The following PTPRD variants were observed in gnomAD, a reference collection of about 807,000 sequenced individuals.
The protein encoded by PTPRD is receptor-type tyrosine-protein phosphatase delta.
Under a neutral mutation model 214.5 loss-of-function variants are expected in PTPRD, and 34 were observed. That is an observed-to-expected ratio of 0.16 (90% CI 0.12 to 0.21). The LOEUF (loss-of-function observed/expected upper bound fraction) is 0.21. Ranked by LOEUF, PTPRD falls within the 10% of genes least tolerant of loss-of-function variation. PTPRD has a pLI of 1.00. For missense variants in PTPRD, 2,545 were observed against 2,398.7 expected (o/e 1.06, Z -1.27); for synonymous variants, 1,128 against 845.7 (o/e 1.33, Z -5.79).
chr9:10,414,334 A>G (rs1463728148), intron 2 of PTPRD, among the ~76,000 whole-genome samples: 1 of 152,090 alleles, frequency 6.6e-6, no homozygotes, highest in African/African-American at 2.4e-5. Flanking sequence ...AAGCACATGA[A>G]AAAAGCTCAA....
intron 3 of PTPRD, among the ~76,000 whole-genome samples, chr9:10,317,802 C>T (rs745632531): frequency 3.3e-5 from 5 of 151,930 alleles, no homozygotes; most frequent in African/African-American, 4.8e-5. Context: ...CCATGTATAA[C>T]GTCTGACTAT....
At chr9:8,728,521 A>G (rs965941671) in intron 12 of PTPRD, among the ~76,000 whole-genome samples, 10 of 152,178 alleles carry the variant, frequency 6.6e-5, no homozygotes, top group African/African-American at 1.9e-4. Flanking sequence ...TTTTAATAAG[A>G]TATGTTTCTG....
intron 2 of PTPRD, among the ~76,000 whole-genome samples, chr9:10,517,437 ATTTG>A (rs1053036209): frequency 6.6e-6 from 1 of 151,922 alleles, no homozygotes; most frequent in Non-Finnish European, 1.5e-5. Flanking sequence ...ATTTTACTCA[ATTTG>A]TTTATTATTT....
In PTPRD at chr9:9,585,317, T is replaced by A. The variant is rs2091744328; in HGVS notation, c.-286-10536A>T. Among the ~76,000 whole-genome samples, 3 of 152,184 alleles carry A rather than the reference T, an allele frequency of 2.0e-5. No homozygotes were observed. The South Asian group carries it at 6.2e-4, about 32-fold the overall frequency. ...TGAATATATTTTCGGATCCTGTCCT[T>A]TTTCTACTTATTCCTATGTGAACTT... is the stretch of plus-strand genomic sequence containing the variant. On this transcript the variant is annotated intron_variant, in intron 7 of 45. Transcript: ENST00000381196.
intron 9 of PTPRD, among the ~76,000 whole-genome samples, chr9:9,235,219 G>A (rs1445000253): frequency 2.0e-5 from 3 of 152,094 alleles, no homozygotes; most frequent in Non-Finnish European, 2.9e-5. Flanking sequence ...AGTCACTACT[G>A]TCATGAGAAC....
chr9:9,575,755 GAAAAAGAA>G (rs1404197690), intron 7 of PTPRD, among the ~76,000 whole-genome samples: 11 of 78,320 alleles, frequency 1.4e-4, no homozygotes, highest in African/African-American at 5.3e-4. Context: ...AAGAAAGAAA[GAAAAAGAA>G]AAAAAGAAAA....
At chr9:8,644,338 T>C (rs1260079323) in intron 12 of PTPRD, among the ~76,000 whole-genome samples, 1 of 152,154 alleles carries the variant, frequency 6.6e-6, no homozygotes, top group East Asian at 1.9e-4. Flanking sequence ...ACTATGGGTC[T>C]CCTCTGAGCT....
chr9:8,532,693 C>A (rs141353850), intron 14 of PTPRD, among the ~76,000 whole-genome samples: 1 of 152,026 alleles, frequency 6.6e-6, no homozygotes, highest in East Asian at 1.9e-4. Flanking sequence ...CCATTTAAAT[C>A]AGACTTGACC....
chr9:9,676,552 G>A (rs569411253), intron 7 of PTPRD, among the ~76,000 whole-genome samples: 1 of 152,180 alleles, frequency 6.6e-6, no homozygotes, highest in East Asian at 1.9e-4. Context: ...TTGGTTCCAA[G>A]TCTTTGTTAT....
chr9:10,061,910 G>C (rs549180902), intron 3 of PTPRD, among the ~76,000 whole-genome samples: 1 of 151,958 alleles, frequency 6.6e-6, no homozygotes, highest in African/African-American at 2.4e-5. Context: ...TAGAAATGCA[G>C]CAAATTATTA....
At chr9:8,742,173 G>C (rs7038928) in intron 11 of PTPRD, among the ~76,000 whole-genome samples, 3 of 152,058 alleles carry the variant, frequency 2.0e-5, no homozygotes, top group African/African-American at 7.2e-5. Flanking sequence ...CTTGATGACA[G>C]ACTGCACACA....
intron 12 of PTPRD, among the ~76,000 whole-genome samples, chr9:8,643,119 T>C (rs1361660790): frequency 6.6e-6 from 1 of 152,206 alleles, no homozygotes; most frequent in Non-Finnish European, 1.5e-5. Flanking sequence ...TTTATGGTAT[T>C]TCTTTTTAAA....
chr9:10,387,008 T>C (rs888178885), intron 2 of PTPRD, among the ~76,000 whole-genome samples: 2 of 151,506 alleles, frequency 1.3e-5, no homozygotes, highest in Admixed American at 1.3e-4. Flanking sequence ...CTGGTTCAAA[T>C]GTGGAAGGGG....
At chr9:9,095,307 T>C (rs1444341174) in intron 10 of PTPRD, among the ~76,000 whole-genome samples, 2 of 151,972 alleles carry the variant, frequency 1.3e-5, no homozygotes, top group Non-Finnish European at 2.9e-5. Flanking sequence ...AAGAAAAAAA[T>C]AAAATGACCT....
chr9:10,136,489 C>G (rs1386121168), intron 3 of PTPRD, among the ~76,000 whole-genome samples: 1 of 152,048 alleles, frequency 6.6e-6, no homozygotes, highest in East Asian at 1.9e-4. Context: ...AATGATAAAG[C>G]AAGTCTAAAT....
chr9:10,421,046 T>A (rs1587833722), intron 2 of PTPRD, among the ~76,000 whole-genome samples: 1 of 151,826 alleles, frequency 6.6e-6, no homozygotes, highest in Non-Finnish European at 1.5e-5. Context: ...TAAAATACAC[T>A]AACACTAACA....
At chr9:9,005,265 C>G (rs769384592) in intron 11 of PTPRD, among the ~76,000 whole-genome samples, 1 of 152,042 alleles carries the variant, frequency 6.6e-6, no homozygotes, top group Non-Finnish European at 1.5e-5. Flanking sequence ...ATGCAAAACT[C>G]CATCTGAGTG....
intron 4 of PTPRD, among the ~76,000 whole-genome samples, chr9:9,952,440 A>T (rs1399911145): frequency 2.6e-5 from 4 of 152,194 alleles, no homozygotes; most frequent in Admixed American, 2.0e-4. Flanking sequence ...GGTATAACAA[A>T]CAAGGATGTT....
chr9:8,373,888 AT>A (rs879505294), intron 39 of PTPRD, among the ~76,000 whole-genome samples: 1,422 of 107,134 alleles, frequency 0.013, 17 homozygotes, highest in East Asian at 0.033. Flanking sequence ...CTATCTATCT[AT>A]CTATCTATCT....
Sources: gnomAD v4.1 joint callset for allele counts (sites outside exome capture counted in the v4.1 genomes callset) on GRCh38, gnomAD v4.1.1 for gene constraint, MANE v1.5 for transcripts, NCBI Gene and HGNC (gene_info 2026-07-23, HGNC 2026-07-21) for gene names.